CDH13: variants seen among roughly 807,000 people sequenced by gnomAD.
CDH13 encodes the protein cadherin 13.
CDH13 carries 24 observed loss-of-function variants against 63.8 expected under a neutral mutation model. The observed-to-expected ratio is 0.38, with a 90% CI of 0.27 to 0.53. The LOEUF is 0.53. CDH13 is among the 20% of genes least tolerant of loss of function. CDH13 has a pLI of 0.85. For synonymous variants in CDH13, 503 were observed against 355.3 expected (o/e 1.42, Z -4.67); for missense variants, 1,049 against 903.1 (o/e 1.16, Z -2.07).
chr16:83,680,604 C>A (rs1343596007), intron 10 of CDH13, among the ~76,000 whole-genome samples: 1 of 152,134 alleles, frequency 6.6e-6, no homozygotes, highest in South Asian at 2.1e-4. Flanking sequence ...CTTCATCCTA[C>A]CGCTGTGTGA....
At chr16:82,941,362 G>A (rs571954960) in intron 2 of CDH13, among the ~76,000 whole-genome samples, 23 of 152,158 alleles carry the variant, frequency 1.5e-4, no homozygotes, top group Non-Finnish European at 4.4e-5. Context: ...CCTTGAGAAT[G>A]CTCAGTGATA....
intron 5 of CDH13, among the ~76,000 whole-genome samples, chr16:83,330,715 C>G (rs2090462988): frequency 6.6e-6 from 1 of 152,152 alleles, no homozygotes; most frequent in Non-Finnish European, 1.5e-5. Flanking sequence ...TTGCACTGGT[C>G]CTGGGAATGG....
At position 83,799,920 on chromosome 16, in the gene CDH13, G is replaced by A. The variant is rs1327244107; in HGVS notation, c.*4890G>A. 6.6e-6 allele frequency: 1 copy of A among 151,596 alleles called. No homozygotes were observed. Among genetic ancestry groups the A allele is most frequent in the Admixed American group, 6.6e-5 (1 of 15,160 alleles). 9.4% of individuals were successfully genotyped at this position (151,596 alleles called of 1,614,324 possible). On this transcript the variant is annotated 3_prime_UTR_variant, in exon 14 of 14. Coordinates refer to ENST00000567109, the MANE Select transcript of CDH13 (RefSeq NM_001257.5). ...GGTGGGAATGGGTGTGTGTATGAGG[G>A]TTTCAGATAAGAACTTCAATTATAT...
intron 2 of CDH13, among the ~76,000 whole-genome samples, chr16:82,952,445 G>GT (rs2151325280): frequency 6.6e-6 from 1 of 152,254 alleles, no homozygotes; most frequent in South Asian, 2.1e-4. Context: ...ATTCATGCCC[G>GT]TAAGTTATCC....
At chr16:82,974,001 C>T (rs1433146202) in intron 2 of CDH13, among the ~76,000 whole-genome samples, 1 of 152,132 alleles carries the variant, frequency 6.6e-6, no homozygotes, top group African/African-American at 2.4e-5. Context: ...CTCACTGCAA[C>T]CTCTGCCTCC....
chr16:83,269,539 G>A (rs933612689), intron 5 of CDH13, among the ~76,000 whole-genome samples: 1 of 152,116 alleles, frequency 6.6e-6, no homozygotes, highest in African/African-American at 2.4e-5. Flanking sequence ...GGTACAGAGT[G>A]CCATGGGAAC....
At chr16:82,882,770 C>A (rs1195580068) in intron 2 of CDH13, among the ~76,000 whole-genome samples, 1 of 152,010 alleles carries the variant, frequency 6.6e-6, no homozygotes, top group African/African-American at 2.4e-5. Flanking sequence ...AAAATTTATT[C>A]ATACGCTTGG....
chr16:82,920,412 A>C (rs759648155), intron 2 of CDH13, among the ~76,000 whole-genome samples: 2 of 152,192 alleles, frequency 1.3e-5, no homozygotes, highest in Non-Finnish European at 2.9e-5. Flanking sequence ...ACTTAAATGA[A>C]TATGGGTCCT....
chr16:82,642,562 C>T (rs768884220), intron 1 of CDH13, among the ~76,000 whole-genome samples: 2 of 152,184 alleles, frequency 1.3e-5, no homozygotes, highest in Non-Finnish European at 2.9e-5. Context: ...TGACTATATT[C>T]ATTTAAGCCA....
chr16:83,688,270 A>G (rs1324785428), intron 10 of CDH13, among the ~76,000 whole-genome samples: 3 of 152,194 alleles, frequency 2.0e-5, no homozygotes, highest in African/African-American at 7.2e-5. Flanking sequence ...AGACCTTTGG[A>G]AGAAAAAGGC....
intron 2 of CDH13, among the ~76,000 whole-genome samples, chr16:82,968,182 T>A (rs981470871): frequency 6.6e-6 from 1 of 152,218 alleles, no homozygotes; most frequent in East Asian, 1.9e-4. Flanking sequence ...TTGCTACCCT[T>A]ATTTATTCTT....
chr16:82,935,182 A>G (rs1384376577), intron 2 of CDH13, among the ~76,000 whole-genome samples: 1 of 152,174 alleles, frequency 6.6e-6, no homozygotes, highest in African/African-American at 2.4e-5. Flanking sequence ...TGGGGAAGCA[A>G]ATACGTTCAT....
At position 83,391,127 on chromosome 16, in the gene CDH13, G is replaced by T. The variant is rs367862513; in HGVS notation, c.781+46121G>T. On this transcript the variant is annotated intron_variant, in intron 6 of 13. Coordinates refer to ENST00000567109, the MANE Select transcript of CDH13 (RefSeq NM_001257.5). ...TCCTTCACCATCTGCTGCCCAGGGG[G>T]TCCTGAGAGGCCAATAAGTATCTGC... Among the ~76,000 whole-genome samples, 297 of 152,112 alleles carry T rather than the reference G, an allele frequency of 2.0e-3. 5 individuals are homozygous for T. The South Asian group carries it at 0.058, about 30-fold the overall frequency.
intron 6 of CDH13, among the ~76,000 whole-genome samples, chr16:83,447,554 T>C (rs977682208): frequency 6.6e-6 from 1 of 152,028 alleles, no homozygotes; most frequent in African/African-American, 2.4e-5. Context: ...CTGTTTGAGC[T>C]GGGCGGGGCA....
intron 13 of CDH13, among the ~76,000 whole-genome samples, chr16:83,789,069 T>C (rs961480060): frequency 1.1e-4 from 17 of 152,222 alleles, no homozygotes; most frequent in Admixed American, 6.5e-5. Flanking sequence ...TACGTTTTAT[T>C]ATATACCTAG....
At chr16:83,511,813 A>G (rs1027608648) in intron 7 of CDH13, among the ~76,000 whole-genome samples, 5 of 152,190 alleles carry the variant, frequency 3.3e-5, no homozygotes, top group Non-Finnish European at 7.3e-5. Context: ...TTAATGAGAA[A>G]TAAGCCCGAC....
intron 1 of CDH13, among the ~76,000 whole-genome samples, chr16:82,629,777 C>A (rs1485259366): frequency 5.3e-5 from 8 of 152,198 alleles, no homozygotes; most frequent in Non-Finnish European, 8.8e-5. Context: ...CCTCTCCTAT[C>A]CCCTGGGGTG....
chr16:83,003,254 G>A (rs74947715), intron 2 of CDH13, among the ~76,000 whole-genome samples: 8,313 of 152,262 alleles, frequency 0.055, 287 homozygotes, highest in African/African-American at 0.093. Flanking sequence ...CTTGGGCGGT[G>A]AGAGGACTGT....
At chr16:83,699,507 G>C (rs1027390466) in intron 10 of CDH13, among the ~76,000 whole-genome samples, 2 of 152,202 alleles carry the variant, frequency 1.3e-5, no homozygotes, top group Non-Finnish European at 2.9e-5. Context: ...GGTCACATCT[G>C]GCTTCAAGCT....
Sources: allele counts gnomAD v4.1 joint callset (sites outside exome capture counted in the v4.1 genomes callset), GRCh38; gene constraint gnomAD v4.1.1; transcripts MANE v1.5; gene names NCBI Gene and HGNC (gene_info 2026-07-23, HGNC 2026-07-21).